Variants in NELL1 observed in about 807,000 individuals in gnomAD.
NELL1 encodes the protein protein kinase C-binding protein NELL1.
In NELL1, 76 loss-of-function variants were observed where a neutral mutation model predicts 107.4. The observed-to-expected ratio is 0.71, with a 90% CI of 0.59 to 0.86. The LOEUF (loss-of-function observed/expected upper bound fraction) is 0.86, where lower values mean the gene tolerates loss of function less well. Among genes scored for constraint, NELL1 ranks in the 40% least tolerant of loss-of-function variants. NELL1 has a pLI of 0.00. For synonymous variants in NELL1, 353 were observed against 341.2 expected (o/e 1.03, Z -0.38); for missense variants, 1,024 against 1,005.5 (o/e 1.02, Z -0.25).
chr11:21,319,480 A>G (rs1849959263), intron 14 of NELL1, among the ~76,000 whole-genome samples: 2 of 133,194 alleles, frequency 1.5e-5, no homozygotes, highest in African/African-American at 2.8e-5. Flanking sequence ...ATGAGCCACC[A>G]TGCCCAGCTA....
At chr11:21,388,501 C>T (rs1378906276) in intron 15 of NELL1, among the ~76,000 whole-genome samples, 1 of 151,788 alleles carries the variant, frequency 6.6e-6, no homozygotes, top group African/African-American at 2.4e-5. Context: ...TCTTTATAGT[C>T]ACAGACACTT....
chr11:21,324,065 A>AC (rs1176735083), intron 14 of NELL1, among the ~76,000 whole-genome samples: 1 of 152,132 alleles, frequency 6.6e-6, no homozygotes, highest in African/African-American at 2.4e-5. Flanking sequence ...GGAAGGATTA[A>AC]CATTTCATTA....
chr11:20,781,312 T>C (rs551680962), intron 2 of NELL1, among the ~76,000 whole-genome samples: 2 of 152,212 alleles, frequency 1.3e-5, no homozygotes, highest in Admixed American at 1.3e-4. Flanking sequence ...GTGAGAAAAT[T>C]GAGAGTGGCG....
At chr11:20,685,515 T>C (rs538300833) in intron 2 of NELL1, among the ~76,000 whole-genome samples, 3 of 152,094 alleles carry the variant, frequency 2.0e-5, no homozygotes, top group Admixed American at 6.6e-5. Flanking sequence ...TTAAGGTTAA[T>C]GTATGATAGC....
At chr11:21,534,119 C>T (rs1238247530) in intron 15 of NELL1, among the ~76,000 whole-genome samples, 1 of 152,108 alleles carries the variant, frequency 6.6e-6, no homozygotes, top group Non-Finnish European at 1.5e-5. Context: ...GACAACACAG[C>T]TTTTGAGTTA....
At chr11:21,514,199 AAT>A (rs1478825972) in intron 15 of NELL1, among the ~76,000 whole-genome samples, 1 of 152,232 alleles carries the variant, frequency 6.6e-6, no homozygotes, top group Non-Finnish European at 1.5e-5. Flanking sequence ...CATTAAAGAA[AAT>A]AGTTTTGTAA....
intron 14 of NELL1, among the ~76,000 whole-genome samples, chr11:21,326,618 T>C (rs1036637939): frequency 3.3e-5 from 5 of 152,174 alleles, no homozygotes; most frequent in Admixed American, 1.3e-4. Context: ...CTGTCTGATA[T>C]CATTTCCTTC....
intron 13 of NELL1, among the ~76,000 whole-genome samples, chr11:21,126,146 T>C (rs1394803649): frequency 6.6e-6 from 1 of 152,106 alleles, no homozygotes; most frequent in Non-Finnish European, 1.5e-5. Context: ...AAAGTCGACA[T>C]TGTAACTCCA....
At position 21,169,817 on chromosome 11, in the gene NELL1, G is replaced by A. The variant is rs1590700870; in HGVS notation, c.1426+56103G>A. On this transcript the variant is annotated intron_variant, in intron 13 of 19. Transcript: ENST00000357134. ...CCGGAGAGTGGGACAGAATCAGCCT[G>A]CTGAGCCCGATGCAAGTGCTTGCAC... 2.1e-6 allele frequency: 3 copies of A among 1,403,426 alleles called. No individual in the cohort carries two copies. In the East Asian group the frequency reaches 7.0e-5, roughly 33 times the overall value. The allele number at this position is 1,403,426 out of a possible 1,614,324, so 86.9% of individuals were successfully genotyped here. A position where few individuals can be genotyped will look rare whatever the true frequency, so the allele number is the denominator to read the frequency against.
intron 4 of NELL1, among the ~76,000 whole-genome samples, chr11:20,883,379 A>AT (rs1849445638): frequency 6.6e-6 from 1 of 152,208 alleles, no homozygotes; most frequent in Non-Finnish European, 1.5e-5. Context: ...TCCTTCATTA[A>AT]TTCATGCATT....
intron 2 of NELL1, among the ~76,000 whole-genome samples, chr11:20,746,926 A>G (rs1590255447): frequency 1.3e-5 from 2 of 152,166 alleles, no homozygotes; most frequent in South Asian, 2.1e-4. Flanking sequence ...ACTTGTGCAC[A>G]CTATTCCAGG....
chr11:21,209,331 TTATA>T (rs10588528), intron 13 of NELL1, among the ~76,000 whole-genome samples: 54 of 145,118 alleles, frequency 3.7e-4, no homozygotes, highest in Middle Eastern at 3.6e-3. Context: ...TATGTATATA[TTATA>T]TATATATATA....
intron 12 of NELL1, among the ~76,000 whole-genome samples, chr11:21,027,359 T>A (rs2134311594): frequency 6.6e-6 from 1 of 152,054 alleles, no homozygotes; most frequent in Admixed American, 6.6e-5. Flanking sequence ...TCTCTATTTC[T>A]GGTTTTCTAT....
chr11:21,280,253 A>T (rs1848963464), intron 14 of NELL1, among the ~76,000 whole-genome samples: 1 of 152,188 alleles, frequency 6.6e-6, no homozygotes, highest in Non-Finnish European at 1.5e-5. Context: ...TTGGTTATAA[A>T]AAATGGAGAA....
At chr11:20,899,968 C>T (rs1365355757) in intron 5 of NELL1, among the ~76,000 whole-genome samples, 1 of 152,120 alleles carries the variant, frequency 6.6e-6, no homozygotes, top group Non-Finnish European at 1.5e-5. Flanking sequence ...TACCAGTTAG[C>T]TTTTGATATA....
intron 2 of NELL1, among the ~76,000 whole-genome samples, chr11:20,710,868 A>G (rs1263556775): frequency 6.6e-6 from 1 of 151,924 alleles, no homozygotes; most frequent in Non-Finnish European, 1.5e-5. Flanking sequence ...TGTCAGTTGT[A>G]ATATCTCCTG....
At chr11:21,193,003 C>T (rs1212426108) in intron 13 of NELL1, among the ~76,000 whole-genome samples, 1 of 151,866 alleles carries the variant, frequency 6.6e-6, no homozygotes, top group African/African-American at 2.4e-5. Flanking sequence ...GAAGTGAAAA[C>T]CATTTACAAA....
At chr11:20,760,639 G>A (rs1856398906) in intron 2 of NELL1, among the ~76,000 whole-genome samples, 1 of 152,142 alleles carries the variant, frequency 6.6e-6, no homozygotes, top group African/African-American at 2.4e-5. Context: ...TTACGGTGAT[G>A]GATGTCAGCT....
chr11:20,688,682 T>A (rs1408937162), intron 2 of NELL1, among the ~76,000 whole-genome samples: 2 of 152,188 alleles, frequency 1.3e-5, no homozygotes, highest in Admixed American at 6.5e-5. Context: ...TTGTGAATAG[T>A]GCTGCAACAA....
Sources: allele counts gnomAD v4.1 joint callset (sites outside exome capture counted in the v4.1 genomes callset), GRCh38; gene constraint gnomAD v4.1.1; transcripts MANE v1.5; gene names NCBI Gene and HGNC (gene_info 2026-07-23, HGNC 2026-07-21).